PAX5: variants seen among roughly 807,000 people sequenced by gnomAD.
PAX5 encodes paired box protein Pax-5.
In PAX5, 9 loss-of-function variants were observed where a neutral mutation model predicts 43.7. That is an observed-to-expected ratio of 0.21 (90% CI 0.12 to 0.36). The LOEUF is 0.36. PAX5 is among the 10% of genes least tolerant of loss of function. The pLI, the probability that PAX5 is intolerant of heterozygous loss-of-function variation, is 1.00. For synonymous variants in PAX5, 228 were observed against 214.3 expected (o/e 1.06, Z -0.56); for missense variants, 383 against 532.7 (o/e 0.72, Z 2.77).
intron 7 of PAX5, among the ~76,000 whole-genome samples, chr9:36,905,229 C>T (rs184054140): frequency 3.0e-4 from 45 of 152,330 alleles, no homozygotes; most frequent in African/African-American, 1.1e-3. Context: ...GAGGCCGGAC[C>T]CCTGGCACAG....
intron 7 of PAX5, among the ~76,000 whole-genome samples, chr9:36,905,594 G>A (rs543887263): frequency 9.8e-5 from 15 of 152,312 alleles, no homozygotes; most frequent in African/African-American, 3.4e-4. Flanking sequence ...CAGGGACTCC[G>A]CATGGCTGAG....
chr9:37,031,315 T>C (rs1007875386), intron 1 of PAX5, among the ~76,000 whole-genome samples: 4 of 152,212 alleles, frequency 2.6e-5, no homozygotes, highest in Non-Finnish European at 5.9e-5. Flanking sequence ...GTTTGTTTAA[T>C]ACAGAGAACA....
intron 8 of PAX5, among the ~76,000 whole-genome samples, chr9:36,859,775 C>T (rs1267708137): frequency 6.6e-6 from 1 of 152,208 alleles, no homozygotes; most frequent in Non-Finnish European, 1.5e-5. Context: ...TGGTTCACAC[C>T]TGTAATCCCA....
chr9:37,009,133 T>A (rs563262545), intron 3 of PAX5, among the ~76,000 whole-genome samples: 1 of 152,258 alleles, frequency 6.6e-6, no homozygotes, highest in East Asian at 1.9e-4. Flanking sequence ...AAGAAAATTA[T>A]GTTTTCCTCA....
chr9:36,850,982 G>A (rs1823104817), intron 8 of PAX5, among the ~76,000 whole-genome samples: 1 of 152,228 alleles, frequency 6.6e-6, no homozygotes, highest in African/African-American at 2.4e-5. Context: ...GCAGAAGGCA[G>A]GTGGGCATGT....
intron 6 of PAX5, among the ~76,000 whole-genome samples, chr9:36,954,586 G>T (rs1170087026): frequency 6.6e-6 from 1 of 152,172 alleles, no homozygotes; most frequent in Non-Finnish European, 1.5e-5. Flanking sequence ...TGAAAAAAGA[G>T]CCCTGTCAGT....
At chr9:36,907,000 G>A (rs1229747944) in intron 7 of PAX5, among the ~76,000 whole-genome samples, 2 of 152,152 alleles carry the variant, frequency 1.3e-5, no homozygotes, top group Admixed American at 6.5e-5. Flanking sequence ...AGGACTGCAC[G>A]TTTGATCAGT....
intron 8 of PAX5, among the ~76,000 whole-genome samples, chr9:36,848,152 TGA>T (rs1307014905): frequency 6.6e-6 from 1 of 151,814 alleles, no homozygotes; most frequent in Non-Finnish European, 1.5e-5. Flanking sequence ...GGCCGAAGGG[TGA>T]GAGATTCCAG....
At chr9:36,957,526 C>T (rs1368704610) in intron 6 of PAX5, among the ~76,000 whole-genome samples, 1 of 152,082 alleles carries the variant, frequency 6.6e-6, no homozygotes, top group Non-Finnish European at 1.5e-5. Flanking sequence ...AACCAAACCC[C>T]AACTCTTCCT....
At chr9:37,013,356 G>A (rs971571168) in intron 3 of PAX5, among the ~76,000 whole-genome samples, 3 of 152,090 alleles carry the variant, frequency 2.0e-5, no homozygotes, top group African/African-American at 7.2e-5. Context: ...CTGGCCCCAT[G>A]TAAGGCATTA....
chr9:37,025,364 C>A (rs567963053), intron 1 of PAX5, among the ~76,000 whole-genome samples: 2 of 151,012 alleles, frequency 1.3e-5, no homozygotes, highest in Admixed American at 6.6e-5. Context: ...CGGGTCTCTG[C>A]TGCCTTTGTT....
chr9:36,946,800 T>C (rs559505964), intron 6 of PAX5, among the ~76,000 whole-genome samples: 1 of 152,316 alleles, frequency 6.6e-6, no homozygotes, highest in East Asian at 1.9e-4. Flanking sequence ...GCAACTTCTT[T>C]ACCAACCACC....
intron 7 of PAX5, among the ~76,000 whole-genome samples, chr9:36,908,212 G>T (rs1224063412): frequency 6.8e-6 from 1 of 146,364 alleles, no homozygotes; most frequent in African/African-American, 2.5e-5. Context: ...AAAAAAAAAA[G>T]AAGACTTTTT....
intron 5 of PAX5, among the ~76,000 whole-genome samples, chr9:36,990,585 A>T (rs202034441): frequency 1.3e-5 from 2 of 152,226 alleles, no homozygotes; most frequent in African/African-American, 4.8e-5. Context: ...GGAGATGGGG[A>T]CCAGCCAGCA....
At chr9:36,903,010 G>T (rs1828535133) in intron 7 of PAX5, among the ~76,000 whole-genome samples, 1 of 152,158 alleles carries the variant, frequency 6.6e-6, no homozygotes, top group Non-Finnish European at 1.5e-5. Context: ...CGGGACCTGG[G>T]CCGAGGTTCC....
chr9:37,012,884 G>T (rs1376643150), intron 3 of PAX5, among the ~76,000 whole-genome samples: 4 of 152,072 alleles, frequency 2.6e-5, no homozygotes, highest in Non-Finnish European at 5.9e-5. Context: ...GATGTAAACC[G>T]ATGCTCTGTA....
At position 36,838,370 on chromosome 9, in the gene PAX5, A is replaced by G. The variant is rs2131558744; in HGVS notation, c.*2190T>C. On this transcript the variant is annotated 3_prime_UTR_variant, in exon 10 of 10. Coordinates refer to ENST00000358127, the MANE Select transcript of PAX5 (RefSeq NM_016734.3). ...GGAGATGTGGATAGACCAGGGTGAC[A>G]GGGAACACCATGGGTTGGGGGTCAG... 1 of 232,674 alleles carries G rather than the reference A, an allele frequency of 4.3e-6. No homozygotes were observed. The allele number at this position is 232,674 out of a possible 1,614,324, so 14.4% of individuals were successfully genotyped here.
At chr9:36,927,554 C>T (rs1830743038) in intron 6 of PAX5, among the ~76,000 whole-genome samples, 1 of 152,178 alleles carries the variant, frequency 6.6e-6, no homozygotes, top group Non-Finnish European at 1.5e-5. Context: ...TTATGTTATA[C>T]ATGCAGCGGG....
At chr9:37,013,324 C>T (rs1020858126) in intron 3 of PAX5, among the ~76,000 whole-genome samples, 4 of 152,092 alleles carry the variant, frequency 2.6e-5, no homozygotes, top group Non-Finnish European at 5.9e-5. Context: ...GCCTGGCCTG[C>T]TTCCCTCATT....
Sources: allele counts gnomAD v4.1 joint callset (sites outside exome capture counted in the v4.1 genomes callset), GRCh38; gene constraint gnomAD v4.1.1; transcripts MANE v1.5; gene names NCBI Gene and HGNC (gene_info 2026-07-23, HGNC 2026-07-21).